Variants in CCDC171 observed in about 807,000 individuals in gnomAD.
CCDC171 encodes coiled-coil domain containing 171, also known as coiled-coil domain-containing protein 171.
Under a neutral mutation model 168.2 loss-of-function variants are expected in CCDC171, and 177 were observed. The observed-to-expected ratio is 1.05, with a 90% CI of 0.93 to 1.19. CCDC171 has a LOEUF of 1.19. Ranked by LOEUF, CCDC171 falls within the 50% of genes most tolerant of loss-of-function variation. The probability of loss-of-function intolerance (pLI) is 0.00; values close to 1 mark genes in which losing one functional copy is unlikely to be tolerated. For synonymous variants in CCDC171, 687 were observed against 540.8 expected, an observed-to-expected ratio of 1.27 and a Z score of -3.75; for missense variants, 1,991 against 1,539.0, an observed-to-expected ratio of 1.29 and a Z score of -4.91.
intron 7 of CCDC171, among the ~76,000 whole-genome samples, chr9:15,630,564 C>A (rs866601473): frequency 3.9e-5 from 6 of 152,150 alleles, no homozygotes; most frequent in Non-Finnish European, 8.8e-5. Context: ...TAGACTCCCA[C>A]ACAATAATAA....
intron 25 of CCDC171, among the ~76,000 whole-genome samples, chr9:15,943,459 A>G (rs1827948177): frequency 6.6e-6 from 1 of 152,028 alleles, no homozygotes; most frequent in Non-Finnish European, 1.5e-5. Flanking sequence ...TAATTTAACA[A>G]TTAAACATAT....
At chr9:15,613,410 T>C (rs998444530) in intron 6 of CCDC171, among the ~76,000 whole-genome samples, 21 of 152,286 alleles carry the variant, frequency 1.4e-4, no homozygotes, top group African/African-American at 4.6e-4. Flanking sequence ...ACTAAACTTC[T>C]AAATAAAGAC....
At chr9:15,900,740 C>A (rs181425909) in intron 24 of CCDC171, among the ~76,000 whole-genome samples, 13 of 152,282 alleles carry the variant, frequency 8.5e-5, no homozygotes, top group Non-Finnish European at 1.8e-4. Context: ...GTAGGACATA[C>A]ATGCTGTGAG....
intron 18 of CCDC171, among the ~76,000 whole-genome samples, chr9:15,772,580 G>A (rs1362268178): frequency 1.3e-5 from 2 of 152,164 alleles, no homozygotes; most frequent in African/African-American, 2.4e-5. Context: ...TGCATATAAA[G>A]AAAGTTGCAT....
intron 6 of CCDC171, among the ~76,000 whole-genome samples, chr9:16,034,778 C>T (rs919497755): frequency 6.6e-6 from 1 of 152,106 alleles, no homozygotes; most frequent in African/African-American, 2.4e-5. Flanking sequence ...CTCAGATTGG[C>T]ACTACAATCA....
intron 18 of CCDC171, among the ~76,000 whole-genome samples, chr9:15,749,116 A>T (rs950898342): frequency 2.0e-5 from 3 of 148,216 alleles, no homozygotes; most frequent in African/African-American, 7.7e-5. Flanking sequence ...AAAGGGATGG[A>T]GGAAGATCTA....
chr9:15,729,332 T>A (rs746279363), intron 15 of CCDC171, among the ~76,000 whole-genome samples: 10 of 152,138 alleles, frequency 6.6e-5, no homozygotes, highest in Non-Finnish European at 1.5e-4. Flanking sequence ...TTTCTCAATC[T>A]CAATCAAATT....
chr9:15,797,361 C>A (rs547387695), intron 21 of CCDC171, among the ~76,000 whole-genome samples: 9 of 152,010 alleles, frequency 5.9e-5, no homozygotes, highest in Non-Finnish European at 1.3e-4. Flanking sequence ...GGACTACAGG[C>A]GCATGCCACC....
chr9:15,712,575 G>A (rs929905651), intron 11 of CCDC171, among the ~76,000 whole-genome samples: 2 of 152,208 alleles, frequency 1.3e-5, no homozygotes, highest in African/African-American at 4.8e-5. Context: ...ATGGATGGTA[G>A]TTTGGTCAGA....
At chr9:15,606,290 T>C (rs1299900836) in intron 6 of CCDC171, among the ~76,000 whole-genome samples, 1 of 152,228 alleles carries the variant, frequency 6.6e-6, no homozygotes, top group African/African-American at 2.4e-5. Flanking sequence ...AATTTTTAGC[T>C]CTAATTAATG....
intron 18 of CCDC171, among the ~76,000 whole-genome samples, chr9:15,773,643 C>T (rs1380608981): frequency 2.0e-5 from 3 of 152,124 alleles, no homozygotes; most frequent in Admixed American, 6.5e-5. Context: ...ACTTTAGTGA[C>T]GTTTTTCCTC....
intron 1 of CCDC171, 131 bp downstream of exon 1, chr9:15,553,433 C>G (rs1453536079): frequency 1.3e-5 from 2 of 152,272 alleles, no homozygotes; most frequent in Non-Finnish European, 2.9e-5. Context: ...ACGCCTCCAG[C>G]TCCCTGGGCT....
intron 21 of CCDC171, among the ~76,000 whole-genome samples, chr9:15,827,932 A>G (rs1415469644): frequency 6.6e-6 from 1 of 152,122 alleles, no homozygotes; most frequent in Non-Finnish European, 1.5e-5. Context: ...TCATCTTGTT[A>G]TTTCTTAGAA....
At chr9:15,642,574 T>C (rs1169355241) in intron 7 of CCDC171, among the ~76,000 whole-genome samples, 1 of 151,690 alleles carries the variant, frequency 6.6e-6, no homozygotes, top group African/African-American at 2.4e-5. Flanking sequence ...TTCATTGGAC[T>C]AGAAGATTTA....
intron 19 of CCDC171, among the ~76,000 whole-genome samples, chr9:15,778,606 A>G (rs767619158): frequency 3.9e-4 from 51 of 130,040 alleles, no homozygotes; most frequent in Non-Finnish European, 7.2e-4. Context: ...AGATTGTGCC[A>G]CTGTACTCCA....
rs1399449404 is a variant in CCDC171, at chr9:15,623,248, A to C, written c.676-19A>C. The C allele has an allele frequency of 1.3e-6, 2 of 1,541,402 alleles. No individual in the cohort carries two copies. Among genetic ancestry groups the C allele is most frequent in the Non-Finnish European group, 8.8e-7 (1 of 1,139,106 alleles). ...ATGGCTTATAAACTTTATTGATGCA[A>C]AAATGAATTATTTTCCAGGAGCAAG... On this transcript the variant is annotated intron_variant, in intron 6 of 25. Coordinates refer to ENST00000380701, the MANE Select transcript of CCDC171 (RefSeq NM_173550.4).
At chr9:16,025,139 C>T (rs1276441349) in intron 6 of CCDC171, among the ~76,000 whole-genome samples, 1 of 152,168 alleles carries the variant, frequency 6.6e-6, no homozygotes, top group East Asian at 1.9e-4. Context: ...AAATATATGT[C>T]CACATAAAAA....
At chr9:16,013,560 T>G (rs1267045008) in intron 3 of CCDC171, among the ~76,000 whole-genome samples, 2 of 152,168 alleles carry the variant, frequency 1.3e-5, no homozygotes, top group Non-Finnish European at 2.9e-5. Context: ...AGATGCAGGC[T>G]CCAATGCCTA....
In CCDC171 at chr9:15,777,580, TTTTTTC is replaced by T; in HGVS notation, c.2672-10_2672-5del. On this transcript the variant is annotated splice_polypyrimidine_tract_variant and intron_variant, in intron 18 of 25. Coordinates refer to ENST00000380701, the MANE Select transcript of CCDC171 (RefSeq NM_173550.4). ...AGAGACAATTCACATTTTTGTGCCTTTTTTTCTTTTTCTTTGAAGATCCAAATTCCA... is the reference window on the plus strand; with the variant it reads ...AGAGACAATTCACATTTTTGTGCCTTTTTTTCTTTGAAGATCCAAATTCCA... 6.5e-7 allele frequency: 1 copy of T among 1,538,360 alleles called. No homozygotes were observed. Among genetic ancestry groups the T allele is most frequent in the Non-Finnish European group, 8.9e-7 (1 of 1,122,470 alleles).
Sources: allele counts gnomAD v4.1 joint callset (sites outside exome capture counted in the v4.1 genomes callset), GRCh38; gene constraint gnomAD v4.1.1; transcripts MANE v1.5; gene names NCBI Gene and HGNC (gene_info 2026-07-23, HGNC 2026-07-21).